The following ELAPOR2 variants were observed in gnomAD, a reference collection of about 807,000 sequenced individuals.
The protein encoded by ELAPOR2 is endosome/lysosome-associated apoptosis and autophagy regulator family member 2.
Under a neutral mutation model 120.7 loss-of-function variants are expected in ELAPOR2, and 89 were observed. The observed-to-expected ratio is 0.74, with a 90% CI of 0.62 to 0.88. ELAPOR2 has a LOEUF of 0.88. Ranked by LOEUF, ELAPOR2 falls within the 40% of genes least tolerant of loss-of-function variation. The pLI, the probability that ELAPOR2 is intolerant of heterozygous loss-of-function variation, is 0.00. For missense variants in ELAPOR2, 1,134 were observed against 1,251.6 expected (o/e 0.91, Z 1.42); for synonymous variants, 444 against 444.9 (o/e 1.00, Z 0.03).
At chr7:86,912,334 A>G in intron 14 of ELAPOR2, 89 bp from the exon 15 acceptor site, 2 of 743,256 alleles carry the variant, frequency 2.7e-6, no homozygotes, top group South Asian at 2.2e-5. Context: ...AGGTATAAAA[A>G]CTATTCCAGT....
chr7:86,995,210 A>C (rs1450165168), intron 1 of ELAPOR2, among the ~76,000 whole-genome samples: 2 of 152,158 alleles, frequency 1.3e-5, no homozygotes, highest in Non-Finnish European at 2.9e-5. Flanking sequence ...CTAATTGGCC[A>C]AGATAGGGTC....
intron 8 of ELAPOR2, among the ~76,000 whole-genome samples, chr7:86,928,245 C>T (rs1790165962): frequency 6.6e-6 from 1 of 151,760 alleles, no homozygotes; most frequent in South Asian, 2.1e-4. Context: ...CTGGGGATTC[C>T]TAAATAATTG....
intron 4 of ELAPOR2, among the ~76,000 whole-genome samples, chr7:86,943,262 A>C (rs1280883744): frequency 6.6e-6 from 1 of 151,758 alleles, no homozygotes; most frequent in African/African-American, 2.4e-5. Flanking sequence ...ACCTAAGTCT[A>C]ATCACTTAGT....
rs372779906 is a variant in ELAPOR2 at position 86,926,706 on chromosome 7, G to T, written c.1270+30C>A. The T allele has an allele frequency of 4.6e-5, 71 of 1,555,550 alleles. No homozygotes were observed. The African/African-American group carries it at 8.3e-4, about 18-fold the overall frequency. On this transcript the variant is annotated intron_variant, in intron 9 of 21. Transcript: ENST00000450689. ...GTCCAACAAGATCATTTTGCTAAAG[G>T]CCCAGTTATTGGACCAATTGACATC...
At position 87,041,843 on chromosome 7, in the gene ELAPOR2, C is replaced by G. The variant is rs1216323388; in HGVS notation, c.189+17482G>C. Among the ~76,000 whole-genome samples the G allele has an allele frequency of 2.0e-5, 3 of 151,986 alleles. No individual in the cohort carries two copies. The East Asian group carries it at 5.8e-4, about 29-fold the overall frequency. Reference sequence around the variant, plus strand: ...AACTGGATAAAGAGTCAAGACCCATCAGTGTGCTGTATTCAGGAAACCCAT... The same window carrying G: ...AACTGGATAAAGAGTCAAGACCCATGAGTGTGCTGTATTCAGGAAACCCAT... On this transcript the variant is annotated intron_variant, in intron 1 of 21. Coordinates refer to ENST00000450689, the MANE Select transcript of ELAPOR2 (RefSeq NM_001142749.3).
chr7:86,950,675 A>G (rs1464691316), intron 2 of ELAPOR2, among the ~76,000 whole-genome samples: 3 of 151,754 alleles, frequency 2.0e-5, no homozygotes, highest in African/African-American at 7.3e-5. Flanking sequence ...TCACTCACAC[A>G]CCCCTTGCCA....
chr7:86,932,396 A>T (rs1227577741), intron 8 of ELAPOR2, among the ~76,000 whole-genome samples: 1 of 151,854 alleles, frequency 6.6e-6, no homozygotes, highest in African/African-American at 2.4e-5. Context: ...AATTTCTGAA[A>T]CATATTTTTA....
At chr7:87,034,548 G>T (rs1362371607) in intron 1 of ELAPOR2, among the ~76,000 whole-genome samples, 1 of 151,346 alleles carries the variant, frequency 6.6e-6, no homozygotes, top group African/African-American at 2.4e-5. Flanking sequence ...CTTTAGATAG[G>T]GAAGCACTTT....
chr7:86,883,825 G>C (rs1040624879), intron 21 of ELAPOR2, among the ~76,000 whole-genome samples: 2 of 152,168 alleles, frequency 1.3e-5, no homozygotes, highest in African/African-American at 4.8e-5. Context: ...GGGGGTTATA[G>C]ATGTATATTC....
At chr7:87,033,333 A>C (rs1464201746) in intron 1 of ELAPOR2, among the ~76,000 whole-genome samples, 1 of 152,236 alleles carries the variant, frequency 6.6e-6, no homozygotes, top group Non-Finnish European at 1.5e-5. Flanking sequence ...TATCAAAAAA[A>C]TCGAAGATAA....
At chr7:86,922,920 G>A (rs1012724297) in intron 10 of ELAPOR2, among the ~76,000 whole-genome samples, 8 of 151,840 alleles carry the variant, frequency 5.3e-5, no homozygotes, top group Admixed American at 4.6e-4. Flanking sequence ...AAAGCAATGA[G>A]TGTCTATAAG....
chr7:86,925,428 T>C (rs1424039840), intron 10 of ELAPOR2, 100 bp downstream of exon 10: 3 of 1,219,622 alleles, frequency 2.5e-6, no homozygotes, highest in Non-Finnish European at 3.5e-6. Context: ...AAGATTGAAG[T>C]TCCTCATACC....
chr7:87,040,177 G>C (rs867003030), intron 1 of ELAPOR2, among the ~76,000 whole-genome samples: 2,450 of 152,224 alleles, frequency 0.016, 75 homozygotes, highest in African/African-American at 0.056. Flanking sequence ...ACTGCAAGGC[G>C]GCAGCGAGGC....
At chr7:87,009,550 C>A (rs538199931) in intron 1 of ELAPOR2, among the ~76,000 whole-genome samples, 1 of 152,066 alleles carries the variant, frequency 6.6e-6, no homozygotes, top group Non-Finnish European at 1.5e-5. Context: ...CAGTGGAGTA[C>A]CCCAGTGTTT....
Position 86,975,442 on chromosome 7 carries a change from A to C in ELAPOR2, c.190-10418T>G, listed in dbSNP as rs183656227. Reference sequence around the variant, plus strand: ...CTTAAATCAATAGATTTTTTAAAAAATAATAATGTAACCCTAATAATACCT... The same window carrying C: ...CTTAAATCAATAGATTTTTTAAAAACTAATAATGTAACCCTAATAATACCT... On this transcript the variant is annotated intron_variant, in intron 1 of 21. Coordinates refer to ENST00000450689, the MANE Select transcript of ELAPOR2 (RefSeq NM_001142749.3). 2.6e-5 allele frequency among the ~76,000 whole-genome samples: 4 copies of C among 152,338 alleles called. No homozygotes were observed. In the East Asian group the frequency reaches 7.7e-4, roughly 29 times the overall value.
At position 86,891,732 on chromosome 7, in the gene ELAPOR2, C is replaced by T; in HGVS notation, c.3022G>A (p.Ala1008Thr). 6.2e-7 allele frequency: 1 copy of T among 1,605,852 alleles called. No homozygotes were observed. Among genetic ancestry groups the T allele is most frequent in the Non-Finnish European group, 8.5e-7 (1 of 1,176,258 alleles). ...QSLLGKLKSL[A>T]TKEKEDHFES... ...TAAAATTCTACTCTCACCTTGGTTG[C>T]CAAAGATTTGAGTTTTCCTAGTAGT... The change falls in exon 21 of 22, where the codon GCA (alanine) becomes ACA (threonine). Residue 1008 changes from alanine (A) to threonine (T), a missense_variant. Physicochemically the swap from Ala to Thr is moderately conservative, Grantham distance 58. Coordinates refer to ENST00000450689, the MANE Select transcript of ELAPOR2 (RefSeq NM_001142749.3).
chr7:86,892,799 C>T lies in ELAPOR2; in HGVS notation c.2864+123G>A, dbSNP rs1788229521. Reference sequence around the variant, plus strand: ...CTCAAGGCCTTTCCTATGATTTCTTCGCAAGGAGAAAATTCTTGTGTCTCT... The same window carrying T: ...CTCAAGGCCTTTCCTATGATTTCTTTGCAAGGAGAAAATTCTTGTGTCTCT... On this transcript the variant is annotated intron_variant, in intron 20 of 21. Transcript: ENST00000450689. 1.9e-5 allele frequency: 16 copies of T among 843,330 alleles called. No homozygotes were observed. In the South Asian group the frequency reaches 3.2e-4, roughly 17 times the overall value. 52.2% of individuals were successfully genotyped at this position (843,330 alleles called of 1,614,324 possible). A position where few individuals can be genotyped will look rare whatever the true frequency, so the allele number is the denominator to read the frequency against.
At chr7:86,977,089 G>T (rs1294754058) in intron 1 of ELAPOR2, among the ~76,000 whole-genome samples, 1 of 152,190 alleles carries the variant, frequency 6.6e-6, no homozygotes, top group Non-Finnish European at 1.5e-5. Context: ...TCAAATCTCA[G>T]TCAAGGTTGA....
intron 1 of ELAPOR2, among the ~76,000 whole-genome samples, chr7:86,979,040 A>G (rs1273784869): frequency 6.6e-6 from 1 of 152,222 alleles, no homozygotes; most frequent in African/African-American, 2.4e-5. Flanking sequence ...GCCTATGCAA[A>G]TTTAATAGGC....
Sources: allele counts gnomAD v4.1 joint callset (sites outside exome capture counted in the v4.1 genomes callset), GRCh38; gene constraint gnomAD v4.1.1; transcripts MANE v1.5; gene names NCBI Gene and HGNC (gene_info 2026-07-23, HGNC 2026-07-21).